Variants in ZNF608 observed in about 807,000 individuals in gnomAD.
The protein encoded by ZNF608 is renal carcinoma antigen NY-REN-36.
Under a neutral mutation model 109.0 loss-of-function variants are expected in ZNF608, and 12 were observed. The ratio of observed to expected loss-of-function variants is 0.11; its 90% CI spans 0.07 to 0.18. The LOEUF is 0.18. Ranked by LOEUF, ZNF608 falls within the 10% of genes least tolerant of loss-of-function variation. ZNF608 has a pLI of 1.00. For missense variants in ZNF608, 1,707 were observed against 1,879.3 expected, an observed-to-expected ratio of 0.91 and a Z score of 1.70; for synonymous variants, 732 against 717.4, an observed-to-expected ratio of 1.02 and a Z score of -0.33.
intron 2 of ZNF608, among the ~76,000 whole-genome samples, chr5:124,711,014 A>G (rs1398088169): frequency 6.6e-6 from 1 of 152,212 alleles, no homozygotes; most frequent in African/African-American, 2.4e-5. Flanking sequence ...GTCTTAAGAG[A>G]TAAGTTACTT....
chr5:124,745,997 G>T, intron 1 of ZNF608, 198 bp downstream of exon 1: 2 of 280,398 alleles, frequency 7.1e-6, no homozygotes, highest in Non-Finnish European at 1.1e-5. Context: ...GCTACTGACT[G>T]TACAGAAAAC....
intron 3 of ZNF608, among the ~76,000 whole-genome samples, chr5:124,681,154 T>A (rs915849280): frequency 1.3e-5 from 2 of 152,030 alleles, no homozygotes; most frequent in Non-Finnish European, 2.9e-5. Context: ...GAACAACAGA[T>A]TAAAAAAAGA....
intron 2 of ZNF608, among the ~76,000 whole-genome samples, chr5:124,715,136 G>A (rs576239511): frequency 9.2e-5 from 14 of 152,042 alleles, no homozygotes; most frequent in Non-Finnish European, 1.2e-4. Flanking sequence ...TTTTATAGGG[G>A]TACTTCAAGA....
intron 3 of ZNF608, among the ~76,000 whole-genome samples, chr5:124,674,932 C>A (rs1751876983): frequency 6.6e-6 from 1 of 152,122 alleles, no homozygotes; most frequent in Non-Finnish European, 1.5e-5. Context: ...CTTTAATATG[C>A]AGTCTAGATT....
intron 2 of ZNF608, among the ~76,000 whole-genome samples, chr5:124,716,273 A>G (rs1251068118): frequency 6.6e-6 from 1 of 152,018 alleles, no homozygotes; most frequent in South Asian, 2.1e-4. Flanking sequence ...GTATTTTTCC[A>G]TAGCACATTA....
chr5:124,691,697 TATTAC>T (rs1249147650), intron 3 of ZNF608, among the ~76,000 whole-genome samples: 3 of 152,198 alleles, frequency 2.0e-5, no homozygotes, highest in Non-Finnish European at 4.4e-5. Context: ...GCCTTAAGGA[TATTAC>T]ATCAAGTGAA....
At chr5:124,638,075 C>T (rs533643284) in intron 9 of ZNF608, among the ~76,000 whole-genome samples, 169 bp from the exon 10 acceptor site, 5 of 152,198 alleles carry the variant, frequency 3.3e-5, no homozygotes, top group Admixed American at 2.0e-4. Flanking sequence ...CTCAGCCTCC[C>T]GAGTAGCTGG....
intron 2 of ZNF608, among the ~76,000 whole-genome samples, chr5:124,739,418 A>G (rs187306458): frequency 2.5e-4 from 38 of 152,352 alleles, no homozygotes; most frequent in African/African-American, 8.9e-4. Context: ...CAGCAATATC[A>G]CACACAATTA....
upstream of ZNF608, among the ~76,000 whole-genome samples, chr5:124,747,958 T>C (rs778011148): frequency 1.8e-4 from 27 of 152,202 alleles, no homozygotes; most frequent in Non-Finnish European, 2.6e-4. Context: ...TACACCATTG[T>C]TACTATTTGT....
intron 3 of ZNF608, among the ~76,000 whole-genome samples, chr5:124,686,384 G>A (rs1378783900): frequency 1.3e-5 from 2 of 152,138 alleles, no homozygotes; most frequent in African/African-American, 4.8e-5. Flanking sequence ...GCCTCCTAAT[G>A]TGTCTGCCCT....
intron 3 of ZNF608, among the ~76,000 whole-genome samples, chr5:124,687,955 G>A (rs1752468661): frequency 2.0e-5 from 3 of 152,186 alleles, no homozygotes; most frequent in African/African-American, 4.8e-5. Flanking sequence ...ACTGCACACT[G>A]CATGCATCAA....
intron 3 of ZNF608, among the ~76,000 whole-genome samples, chr5:124,665,602 CT>C (rs1218538842): frequency 3.9e-4 from 60 of 152,238 alleles, no homozygotes; most frequent in African/African-American, 1.4e-3. Flanking sequence ...TTATGTATTT[CT>C]ATTTTTTTAT....
intron 3 of ZNF608, among the ~76,000 whole-genome samples, chr5:124,694,960 T>C (rs1752788102): frequency 6.6e-6 from 1 of 152,188 alleles, no homozygotes; most frequent in Non-Finnish European, 1.5e-5. Flanking sequence ...AACTAGTAGT[T>C]CTTCCAGCCC....
chr5:124,689,640 C>T (rs771480929), intron 3 of ZNF608, among the ~76,000 whole-genome samples: 1 of 152,134 alleles, frequency 6.6e-6, no homozygotes, highest in Non-Finnish European at 1.5e-5. Flanking sequence ...TAAGTACCAG[C>T]AAAGAGGCTC....
At position 124,745,179 on chromosome 5, in the gene ZNF608, A is replaced by T; in HGVS notation, c.-183-7T>A. 7.3e-7 allele frequency: 1 copy of T among 1,377,110 alleles called. No individual in the cohort carries two copies. The highest frequency in any genetic ancestry group is 9.4e-7 in the Non-Finnish European group (1 of 1,068,500). The allele number at this position is 1,377,110 out of a possible 1,614,324, so 85.3% of individuals were successfully genotyped here. ...AGTCCAGGTCCACCTTTTCCTGTGA[A>T]GGGGGGGGGAAAAGTCGAATATTTC... On this transcript the variant is annotated splice_polypyrimidine_tract_variant and splice_region_variant and intron_variant, in intron 1 of 9. Coordinates refer to ENST00000513986, the MANE Select transcript of ZNF608 (RefSeq NM_020747.3).
intron 3 of ZNF608, among the ~76,000 whole-genome samples, chr5:124,651,977 G>A (rs1484368104): frequency 1.3e-5 from 2 of 152,258 alleles, no homozygotes; most frequent in African/African-American, 4.8e-5. Context: ...CGGTCTGCGT[G>A]ACCGTGCTGC....
chr5:124,710,095 T>G (rs1288601281), intron 2 of ZNF608: 2 of 371,506 alleles, frequency 5.4e-6, no homozygotes, highest in Non-Finnish European at 1.1e-5. Flanking sequence ...TATTGGTCAT[T>G]GATAAATACA....
At chr5:124,724,786 C>T (rs772789577) in intron 2 of ZNF608, among the ~76,000 whole-genome samples, 3 of 152,114 alleles carry the variant, frequency 2.0e-5, no homozygotes, top group Non-Finnish European at 4.4e-5. Context: ...ATAATTCACA[C>T]GGGGTAACAT....
At chr5:124,740,619 A>C (rs989090840) in intron 2 of ZNF608, among the ~76,000 whole-genome samples, 4 of 152,240 alleles carry the variant, frequency 2.6e-5, no homozygotes, top group African/African-American at 9.6e-5. Flanking sequence ...GAAGTATAAA[A>C]AGGACTCTAC....
Sources: allele counts gnomAD v4.1 joint callset (sites outside exome capture counted in the v4.1 genomes callset), GRCh38; gene constraint gnomAD v4.1.1; transcripts MANE v1.5; gene names NCBI Gene and HGNC (gene_info 2026-07-23, HGNC 2026-07-21).